Variants in SASH1 observed in about 807,000 individuals in gnomAD.
SASH1 encodes the protein SAM and SH3 domain-containing protein 1.
In SASH1, 44 loss-of-function variants were observed where a neutral mutation model predicts 125.2. The ratio of observed to expected loss-of-function variants is 0.35; its 90% CI spans 0.28 to 0.45. SASH1 has a LOEUF of 0.45. SASH1 is among the 20% of genes least tolerant of loss of function. SASH1 has a pLI of 1.00. For missense variants in SASH1, 1,426 were observed against 1,614.5 expected, an observed-to-expected ratio of 0.88 and a Z score of 2.00; for synonymous variants, 639 against 649.1, an observed-to-expected ratio of 0.98 and a Z score of 0.24.
At chr6:148,487,110 C>T (rs9390574) in intron 7 of SASH1, among the ~76,000 whole-genome samples, 2 of 132,690 alleles carry the variant, frequency 1.5e-5, no homozygotes, top group Admixed American at 7.8e-5. Context: ...CACACACACA[C>T]ACATATATAT....
At chr6:148,447,711 CTCCTCCTCCTCATCCTCCTCCTCCTCT>C (rs1562418482) in intron 4 of SASH1, among the ~76,000 whole-genome samples, 4 of 96,660 alleles carry the variant, frequency 4.1e-5, no homozygotes, top group Non-Finnish European at 1.0e-4. Context: ...CTTCCTCCTT[CTCCTCCTCCTCATCCTCCTCCTCCTCT>C]TCCTCCTCCT....
chr6:148,346,852 T>C (rs532141698), intron 1 of SASH1, among the ~76,000 whole-genome samples: 1 of 152,334 alleles, frequency 6.6e-6, no homozygotes, highest in African/African-American at 2.4e-5. Flanking sequence ...ACCTTGGCGT[T>C]CTTGTGAAAT....
intron 2 of SASH1, among the ~76,000 whole-genome samples, chr6:148,405,628 G>C (rs560246391): frequency 6.6e-6 from 1 of 151,958 alleles, no homozygotes; most frequent in Non-Finnish European, 1.5e-5. Context: ...CATCCACCTA[G>C]AGCCCATCCT....
intron 9 of SASH1, among the ~76,000 whole-genome samples, chr6:148,518,571 C>T (rs1388594918): frequency 6.6e-6 from 1 of 152,166 alleles, no homozygotes; most frequent in Non-Finnish European, 1.5e-5. Context: ...TATTTAGTGC[C>T]ATCCTTCTGT....
intron 9 of SASH1, among the ~76,000 whole-genome samples, chr6:148,515,178 T>G (rs1780369461): frequency 6.6e-6 from 1 of 152,118 alleles, no homozygotes; most frequent in African/African-American, 2.4e-5. Flanking sequence ...CCCAAAAAGG[T>G]AAAATGAAAG....
chr6:148,321,303 A>C (rs1162945414), intron 1 of SASH1, among the ~76,000 whole-genome samples: 11 of 152,070 alleles, frequency 7.2e-5, no homozygotes, highest in Admixed American at 6.6e-4. Context: ...AGGCACGAGA[A>C]TCTCTTGAAC....
At chr6:148,408,896 C>T (rs1358501266) in intron 2 of SASH1, among the ~76,000 whole-genome samples, 3 of 152,192 alleles carry the variant, frequency 2.0e-5, no homozygotes, top group South Asian at 2.1e-4. Context: ...TACACATAGT[C>T]GCATAAATTG....
intron 4 of SASH1, among the ~76,000 whole-genome samples, chr6:148,458,392 C>G (rs1583193774): frequency 6.6e-6 from 1 of 152,176 alleles, no homozygotes; most frequent in East Asian, 1.9e-4. Context: ...GAGTTTTTAA[C>G]AAGGTGTACT....
chr6:148,205,204 A>G, the SASH1 span, among the ~76,000 whole-genome samples: 2 of 152,272 alleles, frequency 1.3e-5, no homozygotes, highest in East Asian at 1.9e-4. Flanking sequence ...GAGAGCAACT[A>G]TGAGATCTTA....
chr6:148,510,410 G>C (rs975040190), intron 8 of SASH1, among the ~76,000 whole-genome samples: 3 of 152,110 alleles, frequency 2.0e-5, no homozygotes, highest in Non-Finnish European at 2.9e-5. Context: ...ACCCAGGGTG[G>C]GACAAGGGAG....
chr6:148,450,418 G>A (rs1057081964), intron 4 of SASH1, among the ~76,000 whole-genome samples: 24 of 152,006 alleles, frequency 1.6e-4, no homozygotes, highest in Admixed American at 1.2e-3. Context: ...TTACCCAAAT[G>A]CCCCCTTGGC....
rs758191639 is a variant in SASH1 at position 148,531,674 on chromosome 6, T to C, written c.1564+13T>C. 3 of 1,496,856 alleles carry C rather than the reference T, an allele frequency of 2.0e-6. No individual in the cohort carries two copies. The highest frequency in any genetic ancestry group is 2.7e-6 in the Non-Finnish European group (3 of 1,121,364). The allele number at this position is 1,496,856 out of a possible 1,614,324, so 92.7% of individuals were successfully genotyped here. ...CAGAGCTCCATGAGTAAGTCGAGTTTGTCATTGTAGATTATTTTCTTTGGA... is the reference window on the plus strand; with the variant it reads ...CAGAGCTCCATGAGTAAGTCGAGTTCGTCATTGTAGATTATTTTCTTTGGA... On this transcript the variant is annotated intron_variant, in intron 13 of 19. Transcript: ENST00000367467.
At chr6:148,458,708 G>A (rs1165365744) in intron 4 of SASH1, among the ~76,000 whole-genome samples, 1 of 152,148 alleles carries the variant, frequency 6.6e-6, no homozygotes, top group Non-Finnish European at 1.5e-5. Context: ...GCTCACACCT[G>A]TAATCCCAGC....
At chr6:148,288,970 G>A (rs1779555078) in intron 1 of SASH1, among the ~76,000 whole-genome samples, 2 of 152,042 alleles carry the variant, frequency 1.3e-5, no homozygotes, top group South Asian at 2.1e-4. Flanking sequence ...ACAATTTAGG[G>A]CATGCCTGTG....
chr6:148,429,863 G>A (rs769481833), intron 2 of SASH1, among the ~76,000 whole-genome samples: 5 of 152,198 alleles, frequency 3.3e-5, no homozygotes, highest in Admixed American at 6.5e-5. Context: ...GGATGTCCTG[G>A]CAGATAGTAA....
the SASH1 span, among the ~76,000 whole-genome samples, chr6:148,213,851 A>C: frequency 6.6e-6 from 1 of 152,150 alleles, no homozygotes; most frequent in African/African-American, 2.4e-5. Flanking sequence ...CTGGCATCTT[A>C]ACTGTCTAGT....
At chr6:148,426,663 A>C (rs1022840083) in intron 2 of SASH1, among the ~76,000 whole-genome samples, 5 of 152,074 alleles carry the variant, frequency 3.3e-5, no homozygotes, top group African/African-American at 1.2e-4. Context: ...TGTCTGTTTC[A>C]CTGTTTTATC....
the SASH1 span, among the ~76,000 whole-genome samples, chr6:148,218,485 C>T: frequency 2.3e-4 from 35 of 152,302 alleles, no homozygotes; most frequent in African/African-American, 7.9e-4. Context: ...TTTAGTGGGA[C>T]ATTCCTCTAC....
chr6:148,326,963 C>T (rs1174147588), intron 1 of SASH1, among the ~76,000 whole-genome samples: 1 of 152,156 alleles, frequency 6.6e-6, no homozygotes, highest in Non-Finnish European at 1.5e-5. Flanking sequence ...CAGACTTTTC[C>T]TTTTGCCTTG....
Sources: gnomAD v4.1 joint callset for allele counts (sites outside exome capture counted in the v4.1 genomes callset) on GRCh38, gnomAD v4.1.1 for gene constraint, MANE v1.5 for transcripts, NCBI Gene and HGNC (gene_info 2026-07-23, HGNC 2026-07-21) for gene names.